ACTR1A: variants seen among roughly 807,000 people sequenced by gnomAD.
ACTR1A encodes alpha-centractin.
ACTR1A carries 10 observed loss-of-function variants against 50.7 expected under a neutral mutation model. The observed-to-expected ratio is 0.20, with a 90% CI of 0.12 to 0.33. The LOEUF is 0.33. Among genes scored for constraint, ACTR1A ranks in the 10% least tolerant of loss-of-function variants. ACTR1A has a pLI of 1.00. For synonymous variants in ACTR1A, 177 were observed against 184.2 expected, an observed-to-expected ratio of 0.96 and a Z score of 0.32; for missense variants, 253 against 491.7, an observed-to-expected ratio of 0.51 and a Z score of 4.59.
chr10:102,480,834 CAG>C lies in ACTR1A; in HGVS notation c.*27_*28del, dbSNP rs747630796. Reference sequence around the variant, plus strand: ...GCGAGTTTTAAAGTGGAGTTAACTTCAGAGAGAGGTGAAGATGATGTCCCGAC... The same window carrying C: ...GCGAGTTTTAAAGTGGAGTTAACTTCAGAGAGGTGAAGATGATGTCCCGAC... On this transcript the variant is annotated 3_prime_UTR_variant, in exon 11 of 11. Transcript: ENST00000369905. 277 of 1,562,014 alleles carry C rather than the reference CAG, an allele frequency of 1.8e-4. No individual in the cohort carries two copies. Among genetic ancestry groups the C allele is most frequent in the Admixed American group, 8.2e-4 (49 of 59,922 alleles).
chr10:102,488,135 A>G lies in ACTR1A; in HGVS notation c.315+15T>C, dbSNP rs1298781591. ...TGCATACCCTACAGGAGTGCCCTAC[A>G]CACAGGATCCTCACCTCCTCTGAGA... is the stretch of plus-strand genomic sequence containing the variant. On this transcript the variant is annotated intron_variant, in intron 4 of 10. Transcript: ENST00000369905. The surrounding 1 kb of genome is among the most constrained non-coding windows in gnomAD (Gnocchi z 4.4). The G allele has an allele frequency of 1.2e-6, 2 of 1,609,110 alleles. No homozygotes were observed. Among genetic ancestry groups the G allele is most frequent in the Admixed American group, 1.7e-5 (1 of 59,942 alleles).
intron 1 of ACTR1A, among the ~76,000 whole-genome samples, chr10:102,494,733 A>T (rs2062211803): frequency 6.6e-6 from 1 of 152,194 alleles, no homozygotes; most frequent in Admixed American, 6.5e-5. Context: ...ATGAGGGAGG[A>T]TTGCTTGAGG....
At chr10:102,501,750 C>A (rs2062253114) in intron 1 of ACTR1A, among the ~76,000 whole-genome samples, 1 of 152,306 alleles carries the variant, frequency 6.6e-6, no homozygotes, top group African/African-American at 2.4e-5. Context: ...TTAAACTATG[C>A]GTCCAGTTTT....
Position 102,480,677 on chromosome 10 carries a change from C to A in ACTR1A, c.*186G>T. On this transcript the variant is annotated 3_prime_UTR_variant, in exon 11 of 11. Coordinates refer to ENST00000369905, the MANE Select transcript of ACTR1A (RefSeq NM_005736.4). ...AACCCCAGGCCTCAGGCCATCACCA[C>A]TGCAGGTAGTTCATCGTCCTTTCTG... The A allele has an allele frequency of 1.6e-6, 1 of 621,634 alleles. No homozygotes were observed. The highest frequency in any genetic ancestry group is 1.9e-5 in the South Asian group (1 of 53,116). The allele number at this position is 621,634 out of a possible 1,614,324, so 38.5% of individuals were successfully genotyped here.
chr10:102,501,084 GAAA>G (rs1227611614), intron 1 of ACTR1A, among the ~76,000 whole-genome samples: 3 of 141,998 alleles, frequency 2.1e-5, no homozygotes, highest in African/African-American at 7.8e-5. Flanking sequence ...AAAAAAAAAA[GAAA>G]AAAAAAATGA....
At chr10:102,495,709 A>T (rs2062217580) in intron 1 of ACTR1A, among the ~76,000 whole-genome samples, 1 of 150,618 alleles carries the variant, frequency 6.6e-6, no homozygotes, top group Non-Finnish European at 1.5e-5. Flanking sequence ...AGCCTGGGCG[A>T]CAGAGACAGC....
rs955672890 is a variant in ACTR1A, at chr10:102,479,257, C to T, written c.*1606G>A. The T allele has an allele frequency of 3.3e-6, 2 of 602,182 alleles. No homozygotes were observed. Among genetic ancestry groups the T allele is most frequent in the Non-Finnish European group, 2.6e-6 (1 of 378,468 alleles). The allele number at this position is 602,182 out of a possible 1,614,324, so 37.3% of individuals were successfully genotyped here. A position where few individuals can be genotyped will look rare whatever the true frequency, so the allele number is the denominator to read the frequency against. ...CGTGTCTATCGGAACGACTTTATTTCAGTACACTGGGCCCCACCAGGCAAT... is the reference window on the plus strand; with the variant it reads ...CGTGTCTATCGGAACGACTTTATTTTAGTACACTGGGCCCCACCAGGCAAT... On this transcript the variant is annotated 3_prime_UTR_variant, in exon 11 of 11. Coordinates refer to ENST00000369905, the MANE Select transcript of ACTR1A (RefSeq NM_005736.4). This position sits in a 1 kb window ranked among gnomAD's most constrained non-coding sequence, Gnocchi z 4.0.
At chr10:102,501,593 A>G (rs900325865) in intron 1 of ACTR1A, among the ~76,000 whole-genome samples, 9 of 152,208 alleles carry the variant, frequency 5.9e-5, no homozygotes, top group African/African-American at 2.2e-4. Context: ...CTATTGGTCA[A>G]TATTGATGCT....
Position 102,502,684 on chromosome 10 carries a change from C to A in ACTR1A, c.-37G>T, listed in dbSNP as rs537890432. 1.2e-6 allele frequency: 2 copies of A among 1,611,942 alleles called. No homozygotes were observed. Among genetic ancestry groups the A allele is most frequent in the Non-Finnish European group, 1.7e-6 (2 of 1,178,562 alleles). ...CTCTCCTTCTGGGGAAGGAACTGCCCAGCCGGGTCCGCCGCTAGCGCCACT... is the reference window on the plus strand; with the variant it reads ...CTCTCCTTCTGGGGAAGGAACTGCCAAGCCGGGTCCGCCGCTAGCGCCACT... On this transcript the variant is annotated 5_prime_UTR_variant, in exon 1 of 11. Coordinates refer to ENST00000369905, the MANE Select transcript of ACTR1A (RefSeq NM_005736.4).
At chr10:102,494,615 G>A (rs1317296812) in intron 1 of ACTR1A, among the ~76,000 whole-genome samples, 4 of 152,090 alleles carry the variant, frequency 2.6e-5, no homozygotes, top group Admixed American at 6.6e-5. Flanking sequence ...GGATGACAGA[G>A]TAAGATAAGA....
At chr10:102,483,532 TA>T in intron 6 of ACTR1A, 1 of 159,350 alleles carries the variant, frequency 6.3e-6, no homozygotes, top group Non-Finnish European at 1.4e-5. Context: ...TCAAGGATGT[TA>T]AAAAAATAAA....
At chr10:102,489,199 G>A (rs2062181514) in intron 2 of ACTR1A, 61 bp from the exon 3 acceptor site, 1 of 1,267,300 alleles carries the variant, frequency 7.9e-7, no homozygotes, top group Non-Finnish European at 1.1e-6. Context: ...CAGGAAGGAT[G>A]TATAGATGTA....
In ACTR1A at chr10:102,480,622, C is replaced by T; in HGVS notation, c.*241G>A. 1.8e-6 allele frequency: 1 copy of T among 560,452 alleles called. No individual in the cohort carries two copies. 34.7% of individuals were successfully genotyped at this position (560,452 alleles called of 1,614,324 possible). A position where few individuals can be genotyped will look rare whatever the true frequency, so the allele number is the denominator to read the frequency against. On this transcript the variant is annotated 3_prime_UTR_variant, in exon 11 of 11. Coordinates refer to ENST00000369905, the MANE Select transcript of ACTR1A (RefSeq NM_005736.4). ...GGAGGGAGCACAGCCTCTGCCAGCG[C>T]TCTTCCCTGTCAGGAGCCAGTTAGT...
At chr10:102,486,869 T>C (rs1037565423) in intron 4 of ACTR1A, among the ~76,000 whole-genome samples, 4 of 150,622 alleles carry the variant, frequency 2.7e-5, no homozygotes, top group Admixed American at 2.7e-4. Flanking sequence ...TACTGCAACC[T>C]CGATGCCCCC....
Position 102,481,176 on chromosome 10 carries a change from CA to C in ACTR1A, c.988-5del. The C allele has an allele frequency of 6.3e-7, 1 of 1,589,642 alleles. No individual in the cohort carries two copies. Among genetic ancestry groups the C allele is most frequent in the Non-Finnish European group, 8.6e-7 (1 of 1,168,106 alleles). On this transcript the variant is annotated splice_polypyrimidine_tract_variant and splice_region_variant and intron_variant, in intron 9 of 10. Transcript: ENST00000369905. ...GTCTCTCCTGAGGTGCAGATATCTG[CA>C]AAGGTGGGGGAAAGAGGAATCTGAG... is the stretch of plus-strand genomic sequence containing the variant.
intron 6 of ACTR1A, 161 bp from the exon 7 acceptor site, chr10:102,483,264 T>A: frequency 1.6e-6 from 1 of 643,932 alleles, no homozygotes; most frequent in Non-Finnish European, 2.8e-6. Flanking sequence ...GTGAGGTCTC[T>A]GTTGGCCTTC....
chr10:102,484,502 G>C, intron 5 of ACTR1A, 126 bp from the exon 6 acceptor site: 1 of 801,378 alleles, frequency 1.2e-6, no homozygotes, highest in East Asian at 2.7e-5. Context: ...AGGGTCTGTA[G>C]AATGGACTGG....
chr10:102,481,933 C>T (rs952492739), intron 8 of ACTR1A, 35 bp from the exon 9 acceptor site: 1 of 1,613,476 alleles, frequency 6.2e-7, no homozygotes, highest in African/African-American at 1.3e-5. Context: ...CAAGTCAATT[C>T]TCAGGGTGCC....
At chr10:102,481,972 G>A (rs767055086) in intron 8 of ACTR1A, 29 bp downstream of exon 8, 7 of 1,613,972 alleles carry the variant, frequency 4.3e-6, no homozygotes, top group Middle Eastern at 1.7e-4. Flanking sequence ...AACACTTCCA[G>A]GGGAAGGGCT....
Sources: allele counts gnomAD v4.1 joint callset (sites outside exome capture counted in the v4.1 genomes callset), GRCh38; gene constraint gnomAD v4.1.1; non-coding constraint Gnocchi (gnomAD v3.1); transcripts MANE v1.5; gene names NCBI Gene and HGNC (gene_info 2026-07-23, HGNC 2026-07-21).